Variants in KANSL1 observed in about 807,000 individuals in gnomAD.
KANSL1 encodes KAT8 regulatory NSL complex subunit 1.
Under a neutral mutation model 103.6 loss-of-function variants are expected in KANSL1, and 22 were observed. The observed-to-expected ratio is 0.21, with a 90% CI of 0.15 to 0.30. The LOEUF is 0.30. KANSL1 is among the 10% of genes least tolerant of loss of function. KANSL1 has a pLI of 1.00. For missense variants in KANSL1, 1,337 were observed against 1,399.8 expected (o/e 0.96, Z 0.72); for synonymous variants, 600 against 527.6 (o/e 1.14, Z -1.88).
At chr17:46,091,570 A>G (rs1234995355) in intron 3 of KANSL1, among the ~76,000 whole-genome samples, 1 of 152,148 alleles carries the variant, frequency 6.6e-6, no homozygotes, top group African/African-American at 2.4e-5. Flanking sequence ...AGCTCCATTC[A>G]TGGTAAGTGC....
chr17:46,109,405 A>G (rs1230118318), intron 2 of KANSL1, among the ~76,000 whole-genome samples: 1 of 152,266 alleles, frequency 6.6e-6, no homozygotes, highest in Non-Finnish European at 1.5e-5. Flanking sequence ...ATCGTGAATT[A>G]TATGATACGT....
intron 2 of KANSL1, among the ~76,000 whole-genome samples, chr17:46,106,385 T>C (rs2042567060): frequency 6.6e-6 from 1 of 152,170 alleles, no homozygotes; most frequent in South Asian, 2.1e-4. Flanking sequence ...TATGAGACCA[T>C]ACTTTTTTTG....
At chr17:46,058,321 G>C (rs978808794) in intron 6 of KANSL1, among the ~76,000 whole-genome samples, 1 of 152,190 alleles carries the variant, frequency 6.6e-6, no homozygotes, top group African/African-American at 2.4e-5. Context: ...ACTGTGACCA[G>C]CCAAAGTTGC....
At chr17:46,182,239 C>T (rs990329990) in intron 1 of KANSL1, among the ~76,000 whole-genome samples, 2 of 152,014 alleles carry the variant, frequency 1.3e-5, no homozygotes, top group African/African-American at 2.4e-5. Flanking sequence ...GGAGGAAACA[C>T]GAATCAAAAA....
Position 46,039,774 on chromosome 17 carries a change from T to G in KANSL1, c.2131A>C (p.Met711Leu). Residue 711 changes from methionine to leucine, a missense_variant, in exon 8 of 15, where the codon ATG becomes CTG. Met to Leu is a conservative substitution (Grantham distance 15, BLOSUM62 2). Transcript: ENST00000432791. Reference protein sequence around the residue: ...KKLSLKHRAPMPGSLPDSARK... With the variant: ...KKLSLKHRAPLPGSLPDSARK... ...GCTGAATCTGGCAGACTGCCCGGCA[T>G]GGGTGCTCTGTGCTTAAGCGATAAC... The G allele has an allele frequency of 6.2e-7, 1 of 1,614,228 alleles. No homozygotes were observed. Among genetic ancestry groups the G allele is most frequent in the Non-Finnish European group, 8.5e-7 (1 of 1,180,048 alleles).
intron 10 of KANSL1, chr17:46,038,234 A>C: frequency 2.8e-6 from 1 of 360,196 alleles, no homozygotes; most frequent in Middle Eastern, 7.4e-4. Flanking sequence ...TGTGAAACTT[A>C]GTCCAACAGA....
intron 6 of KANSL1, among the ~76,000 whole-genome samples, chr17:46,053,730 G>A (rs11654745): frequency 0.35 from 52,578 of 151,994 alleles, 9,643 homozygotes; most frequent in South Asian, 0.58. Context: ...CACCGCACCC[G>A]GCCAAAGATA....
intron 1 of KANSL1, among the ~76,000 whole-genome samples, chr17:46,200,758 T>C (rs1199544996): frequency 1.3e-5 from 2 of 151,920 alleles, no homozygotes; most frequent in Non-Finnish European, 2.9e-5. Flanking sequence ...TATATATATA[T>C]ATATTTTTCT....
At chr17:46,210,989 G>C (rs2048150943) in intron 1 of KANSL1, among the ~76,000 whole-genome samples, 1 of 152,084 alleles carries the variant, frequency 6.6e-6, no homozygotes, top group African/African-American at 2.4e-5. Flanking sequence ...CTAACCATCA[G>C]ACCTAACTAA....
intron 1 of KANSL1, among the ~76,000 whole-genome samples, chr17:46,180,773 A>C (rs925697583): frequency 2.6e-5 from 4 of 152,104 alleles, no homozygotes; most frequent in African/African-American, 9.7e-5. Context: ...GCCAAGGCAA[A>C]AGGATTGCTT....
In KANSL1 at chr17:46,175,485, GA is replaced by G. The variant is rs535418573; in HGVS notation, c.-89-3254del. Among the ~76,000 whole-genome samples the G allele has an allele frequency of 3.3e-5, 5 of 152,212 alleles. No individual in the cohort carries two copies. The South Asian group carries it at 6.2e-4, about 19-fold the overall frequency. On this transcript the variant is annotated intron_variant, in intron 1 of 14. Transcript: ENST00000432791. ...CTGCTTCAGCCTCCCGAGTAGCTGG[GA>G]CTTCAGGCATGTGTCACCATGCCCA...
intron 6 of KANSL1, among the ~76,000 whole-genome samples, chr17:46,052,963 CCAAAAAAAAAAAAAAAA>C (rs1409509522): frequency 0.013 from 551 of 43,146 alleles, 40 homozygotes; most frequent in Non-Finnish European, 0.017. Flanking sequence ...GATCCTGTCT[CCAAAAAAAAAAAAAAAA>C]AAAAAAAAAA....
At chr17:46,058,737 A>ACT (rs2078026688) in intron 6 of KANSL1, among the ~76,000 whole-genome samples, 4 of 72,290 alleles carry the variant, frequency 5.5e-5, no homozygotes, top group African/African-American at 9.3e-5. Context: ...ACACACACAC[A>ACT]CACACACTCT....
At chr17:46,058,115 T>C (rs763656394) in intron 6 of KANSL1, among the ~76,000 whole-genome samples, 10 of 152,038 alleles carry the variant, frequency 6.6e-5, no homozygotes, top group East Asian at 1.9e-4. Context: ...AAACTGAAAA[T>C]TGCAAGGCAA....
intron 6 of KANSL1, among the ~76,000 whole-genome samples, chr17:46,064,200 C>A (rs753790829): frequency 6.6e-6 from 1 of 151,988 alleles, no homozygotes; most frequent in Non-Finnish European, 1.5e-5. Flanking sequence ...TATCGCCTGA[C>A]AGTCAATTCT....
intron 3 of KANSL1, 92 bp downstream of exon 3, chr17:46,094,468 G>A (rs1392584983): frequency 2.1e-6 from 3 of 1,410,340 alleles, no homozygotes; most frequent in Non-Finnish European, 2.9e-6. Context: ...TAAGAAGAGG[G>A]TTATGGGGGT....
At position 46,215,995 on chromosome 17, in the gene KANSL1, G is replaced by A. The variant is rs1184019094; in HGVS notation, c.-90+7676C>T. Among the ~76,000 whole-genome samples the A allele has an allele frequency of 2.0e-5, 3 of 152,122 alleles. No individual in the cohort carries two copies. The East Asian group carries it at 5.8e-4, about 29-fold the overall frequency. ...GCAGAGGCTGCCGTGAGCCGAGACCGTGCCACTGCACTCCAGCCTGGGGGA... is the reference window on the plus strand; with the variant it reads ...GCAGAGGCTGCCGTGAGCCGAGACCATGCCACTGCACTCCAGCCTGGGGGA... On this transcript the variant is annotated intron_variant, in intron 1 of 14. Coordinates refer to the KANSL1 transcript ENST00000572904.
intron 10 of KANSL1, chr17:46,035,579 A>G (rs1210251509): frequency 6.6e-6 from 1 of 152,178 alleles, no homozygotes; most frequent in Admixed American, 6.5e-5. Context: ...GGTTAAACAG[A>G]CTTTTGGGGA....
intron 3 of KANSL1, among the ~76,000 whole-genome samples, chr17:46,092,474 G>C (rs927197218): frequency 1.3e-5 from 2 of 152,004 alleles, no homozygotes; most frequent in African/African-American, 4.8e-5. Flanking sequence ...TCATACCTTT[G>C]ACTGAGATAA....
Sources: gnomAD v4.1 joint callset for allele counts (sites outside exome capture counted in the v4.1 genomes callset) on GRCh38, gnomAD v4.1.1 for gene constraint, MANE v1.5 for transcripts, NCBI Gene and HGNC (gene_info 2026-07-23, HGNC 2026-07-21) for gene names.